The following MSRA variants were observed in gnomAD, a reference collection of about 807,000 sequenced individuals.
The protein encoded by MSRA is methionine sulfoxide reductase A.
A neutral mutation model predicts 31.3 loss-of-function variants in MSRA; 54 were observed. That is an observed-to-expected ratio of 1.73 (90% CI 1.39 to 2.17). MSRA has a LOEUF of 2.17. Among genes scored for constraint, MSRA ranks in the 30% most tolerant of loss-of-function variants. The pLI, the probability that MSRA is intolerant of heterozygous loss-of-function variation, is 0.00. For missense variants in MSRA, 507 were observed against 300.9 expected (o/e 1.69, Z -5.07); for synonymous variants, 169 against 116.5 (o/e 1.45, Z -2.90).
chr8:10,174,645 C>T (rs1022914556), intron 1 of MSRA, among the ~76,000 whole-genome samples: 1 of 152,202 alleles, frequency 6.6e-6, no homozygotes, highest in East Asian at 1.9e-4. Context: ...CTGGAGCAGA[C>T]TCCCCAGCCT....
chr8:10,089,094 A>T (rs1798729902), intron 1 of MSRA, among the ~76,000 whole-genome samples: 1 of 151,914 alleles, frequency 6.6e-6, no homozygotes, highest in South Asian at 2.1e-4. Context: ...ATAAAATTGT[A>T]TTAGGGATTT....
chr8:10,057,446 G>T (rs1035848202), intron 1 of MSRA, among the ~76,000 whole-genome samples: 1 of 152,210 alleles, frequency 6.6e-6, no homozygotes, highest in Non-Finnish European at 1.5e-5. Context: ...AAACCTCAGA[G>T]TGCCTTCCAT....
intron 3 of MSRA, among the ~76,000 whole-genome samples, chr8:10,293,962 G>A (rs538954118): frequency 1.2e-4 from 18 of 152,180 alleles, no homozygotes; most frequent in Middle Eastern, 3.4e-3. Context: ...TCAACACTTC[G>A]AAAGGCCGAG....
chr8:10,160,772 C>G (rs1233255993), intron 1 of MSRA, among the ~76,000 whole-genome samples: 2 of 152,166 alleles, frequency 1.3e-5, no homozygotes, highest in African/African-American at 4.8e-5. Context: ...TCGTGATCCA[C>G]ACCCCTTGGC....
At chr8:10,151,231 C>A (rs1048828324) in intron 1 of MSRA, among the ~76,000 whole-genome samples, 2 of 140,462 alleles carry the variant, frequency 1.4e-5, no homozygotes, top group African/African-American at 5.5e-5. Flanking sequence ...CACTGCATTC[C>A]AGCCTGGGTG....
intron 1 of MSRA, among the ~76,000 whole-genome samples, chr8:10,078,875 T>A (rs1022033966): frequency 2.6e-5 from 4 of 152,260 alleles, no homozygotes; most frequent in African/African-American, 9.6e-5. Flanking sequence ...ATGCCTTCCT[T>A]ATCCTTAACA....
intron 1 of MSRA, among the ~76,000 whole-genome samples, chr8:10,143,027 G>C (rs1373890977): frequency 6.6e-6 from 1 of 152,034 alleles, no homozygotes; most frequent in Non-Finnish European, 1.5e-5. Context: ...TTGTTATGTG[G>C]AGTAAGAAGT....
intron 5 of MSRA, among the ~76,000 whole-genome samples, chr8:10,367,695 G>T (rs1290973369): frequency 1.3e-5 from 2 of 152,232 alleles, no homozygotes; most frequent in African/African-American, 4.8e-5. Context: ...ACTTGCAAGG[G>T]CTCCGATCGC....
chr8:10,167,337 AATG>A (rs1805232116), intron 1 of MSRA, among the ~76,000 whole-genome samples: 1 of 152,192 alleles, frequency 6.6e-6, no homozygotes, highest in Non-Finnish European at 1.5e-5. Flanking sequence ...CCAATCACAT[AATG>A]ATCTTGGGAA....
At chr8:10,183,204 C>G (rs1806700931) in intron 1 of MSRA, among the ~76,000 whole-genome samples, 4 of 152,132 alleles carry the variant, frequency 2.6e-5, no homozygotes, top group African/African-American at 9.7e-5. Flanking sequence ...CTCCCTCAGT[C>G]CCAGCCAGGA....
At chr8:10,278,887 T>C (rs1017429711) in intron 3 of MSRA, among the ~76,000 whole-genome samples, 2 of 152,208 alleles carry the variant, frequency 1.3e-5, no homozygotes, top group Non-Finnish European at 1.5e-5. Flanking sequence ...TCAAAGATTT[T>C]TGGAGCTGTA....
chr8:10,056,182 A>ATG (rs1802351492), intron 1 of MSRA, among the ~76,000 whole-genome samples: 1 of 118,802 alleles, frequency 8.4e-6, no homozygotes, highest in Non-Finnish European at 1.7e-5. Context: ...TGTCTTTGCT[A>ATG]TGCCCTCCCA....
intron 5 of MSRA, among the ~76,000 whole-genome samples, chr8:10,331,764 C>T (rs778788651): frequency 6.6e-6 from 1 of 152,224 alleles, no homozygotes; most frequent in Non-Finnish European, 1.5e-5. Context: ...AACCTATGCA[C>T]ATCCTCTTGT....
At chr8:10,261,103 A>G (rs1266163121) in intron 3 of MSRA, among the ~76,000 whole-genome samples, 1 of 152,178 alleles carries the variant, frequency 6.6e-6, no homozygotes, top group Admixed American at 6.5e-5. Context: ...CTTGCTAGAT[A>G]TATTTAGGTT....
At chr8:10,196,933 T>C (rs1407488292) in intron 1 of MSRA, among the ~76,000 whole-genome samples, 2 of 152,170 alleles carry the variant, frequency 1.3e-5, no homozygotes, top group African/African-American at 2.4e-5. Context: ...TTTATAGATA[T>C]GTTTAACATT....
chr8:10,083,124 T>G (rs1798376134), intron 1 of MSRA, among the ~76,000 whole-genome samples: 4 of 152,204 alleles, frequency 2.6e-5, no homozygotes, highest in African/African-American at 9.6e-5. Context: ...CTCATCCAAC[T>G]TATCACTCAG....
chr8:10,333,538 T>C (rs1802831565), intron 5 of MSRA, among the ~76,000 whole-genome samples: 1 of 152,156 alleles, frequency 6.6e-6, no homozygotes, highest in Non-Finnish European at 1.5e-5. Context: ...GTGTATGACC[T>C]TGGGTTGTTG....
At chr8:10,380,845 TGCTG>T (rs1040754285) in intron 5 of MSRA, among the ~76,000 whole-genome samples, 1 of 145,136 alleles carries the variant, frequency 6.9e-6, no homozygotes. Flanking sequence ...TGGAATGGAA[TGCTG>T]GCTGGCTGGC....
intron 1 of MSRA, among the ~76,000 whole-genome samples, chr8:10,140,959 C>A (rs924128831): frequency 1.1e-4 from 16 of 152,104 alleles, no homozygotes; most frequent in Admixed American, 6.6e-4. Flanking sequence ...AGCCATACAC[C>A]TAAAGATGAA....
Sources: gnomAD v4.1 joint callset for allele counts (sites outside exome capture counted in the v4.1 genomes callset) on GRCh38, gnomAD v4.1.1 for gene constraint, MANE v1.5 for transcripts, NCBI Gene and HGNC (gene_info 2026-07-23, HGNC 2026-07-21) for gene names.